The following WNK3 variants were observed in gnomAD, a reference collection of about 807,000 sequenced individuals.
The protein encoded by WNK3 is serine/threonine-protein kinase WNK3.
A neutral mutation model predicts 116.7 loss-of-function variants in WNK3; 18 were observed. The observed-to-expected ratio is 0.15, with a 90% CI of 0.11 to 0.23. The LOEUF (loss-of-function observed/expected upper bound fraction) is 0.23. WNK3 is among the 10% of genes least tolerant of loss of function. The probability of loss-of-function intolerance (pLI) is 1.00; values close to 1 mark genes in which losing one functional copy is unlikely to be tolerated. For missense variants in WNK3, 993 were observed against 1,323.8 expected (o/e 0.75, Z 3.88); for synonymous variants, 404 against 469.4 (o/e 0.86, Z 1.80).
intron 5 of WNK3, among the ~76,000 whole-genome samples, chrX:54,306,311 T>C (rs1443902436): frequency 4.5e-5 from 5 of 111,371 alleles, no homozygotes; most frequent in Admixed American, 9.6e-5. Flanking sequence ...CCCAAAGGAA[T>C]TGAAATTAGT....
intron 1 of WNK3, among the ~76,000 whole-genome samples, chrX:54,344,750 C>T (rs2069385704): frequency 9.0e-6 from 1 of 110,502 alleles, no homozygotes; most frequent in Non-Finnish European, 1.9e-5. Flanking sequence ...CAAGACCATC[C>T]TGGCTAACAC....
At chrX:54,307,946 A>G (rs782808630) in exon 5 of WNK3, 2 of 1,197,311 alleles carry the variant, frequency 1.7e-6, no homozygotes, top group African/African-American at 1.8e-5. Flanking sequence ...GGTATATTTG[A>G]GCTGCATTCT....
At chrX:54,229,394 T>G (rs1353331034) in intron 21 of WNK3, among the ~76,000 whole-genome samples, 3 of 109,581 alleles carry the variant, frequency 2.7e-5, no homozygotes, top group Non-Finnish European at 5.7e-5. Context: ...AGCCTACGTT[T>G]ATTGATTGGA....
intron 2 of WNK3, among the ~76,000 whole-genome samples, chrX:54,312,908 T>C (rs185858224): frequency 5.6e-4 from 62 of 111,703 alleles, no homozygotes; most frequent in African/African-American, 2.0e-3. Context: ...TTTGCTGTTA[T>C]TTTCCTAATT....
intron 2 of WNK3, among the ~76,000 whole-genome samples, chrX:54,319,072 C>T (rs2068998327): frequency 9.0e-6 from 1 of 110,934 alleles, no homozygotes; most frequent in Non-Finnish European, 1.9e-5. Context: ...GCCACTGCAC[C>T]CAGCCCAACC....
At chrX:54,270,509 T>G (rs2068369966) in intron 10 of WNK3, among the ~76,000 whole-genome samples, 1 of 107,366 alleles carries the variant, frequency 9.3e-6, no homozygotes, top group Admixed American at 1.0e-4. Flanking sequence ...GTTCAAGCGA[T>G]TCTCCTGCCT....
intron 21 of WNK3, among the ~76,000 whole-genome samples, chrX:54,231,317 C>T (rs2067896804): frequency 8.9e-6 from 1 of 111,863 alleles, no homozygotes; most frequent in African/African-American, 3.2e-5. Flanking sequence ...TATTAGTTGT[C>T]TATTGTTGTT....
chrX:54,289,553 G>A (rs2068616405), intron 10 of WNK3, among the ~76,000 whole-genome samples: 1 of 111,211 alleles, frequency 9.0e-6, no homozygotes. Context: ...TTTCTGTGGA[G>A]ATGCCAAAAT....
exon 24 of WNK3, chrX:54,195,029 CA>C (rs2067430732): frequency 1.8e-5 from 2 of 111,564 alleles, no homozygotes; most frequent in Admixed American, 1.9e-4. Context: ...TATATTACAG[CA>C]AATTACCTTA....
chrX:54,239,119 A>G lies in WNK3; in HGVS notation c.3652-20T>C, dbSNP rs781993832. 1 of 805,651 alleles carries G rather than the reference A, an allele frequency of 1.2e-6. No homozygotes were observed. Among genetic ancestry groups the G allele is most frequent in the Non-Finnish European group, 1.6e-6 (1 of 610,297 alleles). 66.4% of individuals were successfully genotyped at this position (805,651 alleles called of 1,213,427 possible). A position where few individuals can be genotyped will look rare whatever the true frequency, so the allele number is the denominator to read the frequency against. ...CATCTCCTAATGGAGACAAAACAAA[A>G]CAAAACAAAACAAAACAAAACAAAA... On this transcript the variant is annotated intron_variant, in intron 17 of 23. Transcript: ENST00000354646.
rs1052560904 is a variant in WNK3 at position 54,204,180 on chromosome X, C to T, written c.4871-1987G>A. Reference sequence around the variant, plus strand: ...TGTCACCCAAGCTGGAGTGCAGTGGCGCGATCTTGGCTCACTACAACCTCT... The same window carrying T: ...TGTCACCCAAGCTGGAGTGCAGTGGTGCGATCTTGGCTCACTACAACCTCT... On this transcript the variant is annotated intron_variant, in intron 22 of 23. Coordinates refer to ENST00000354646, the Ensembl canonical transcript of WNK3. Among the ~76,000 whole-genome samples, 4 of 110,853 alleles carry T rather than the reference C, an allele frequency of 3.6e-5. No individual in the cohort carries two copies. The South Asian group carries it at 1.2e-3, about 32-fold the overall frequency.
At chrX:54,216,289 TAA>T (rs1339691408) in intron 22 of WNK3, among the ~76,000 whole-genome samples, 23 of 89,696 alleles carry the variant, frequency 2.6e-4, no homozygotes, top group African/African-American at 1.5e-3. Context: ...CAATAAATAC[TAA>T]AATATATATA....
chrX:54,335,231 G>T (rs1024131061), intron 1 of WNK3, among the ~76,000 whole-genome samples: 97 of 110,555 alleles, frequency 8.8e-4, no homozygotes, highest in African/African-American at 3.1e-3. Flanking sequence ...CCTGGGCGAC[G>T]GAGACTCTGT....
intron 2 of WNK3, among the ~76,000 whole-genome samples, chrX:54,314,620 T>A (rs905423189): frequency 1.4e-4 from 15 of 110,222 alleles, no homozygotes; most frequent in African/African-American, 5.0e-4. Flanking sequence ...AATACAAAAA[T>A]TAGCCGGGCA....
At chrX:54,310,176 A>G (rs781866854) in intron 3 of WNK3, among the ~76,000 whole-genome samples, 1 of 108,976 alleles carries the variant, frequency 9.2e-6, no homozygotes, top group Non-Finnish European at 1.9e-5. Context: ...TAATACTATA[A>G]TATCATAATA....
At chrX:54,199,560 G>A (rs1443872847) in intron 23 of WNK3, among the ~76,000 whole-genome samples, 3 of 112,008 alleles carry the variant, frequency 2.7e-5, no homozygotes, top group Admixed American at 9.5e-5. Flanking sequence ...ACGGCTGGGC[G>A]CGGTGGCTCA....
intron 10 of WNK3, among the ~76,000 whole-genome samples, chrX:54,277,261 A>G (rs1247069960): frequency 1.8e-5 from 2 of 111,710 alleles, no homozygotes; most frequent in Non-Finnish European, 3.8e-5. Flanking sequence ...ATAAAAGGAA[A>G]ATAAGAAATA....
chrX:54,292,903 C>T, exon 10 of WNK3: 1 of 1,210,031 alleles, frequency 8.3e-7, no homozygotes, highest in South Asian at 1.8e-5. Flanking sequence ...TCTGTGGGAC[C>T]TTCTGAACAG....
chrX:54,345,024 C>T (rs1414711084), intron 1 of WNK3, among the ~76,000 whole-genome samples: 1 of 106,553 alleles, frequency 9.4e-6, no homozygotes, highest in Non-Finnish European at 1.9e-5. Flanking sequence ...CCGAGGCGGG[C>T]GGATCACGAG....
Sources: gnomAD v4.1 joint callset for allele counts (sites outside exome capture counted in the v4.1 genomes callset) on GRCh38, gnomAD v4.1.1 for gene constraint, MANE v1.5 for transcripts, NCBI Gene and HGNC (gene_info 2026-07-23, HGNC 2026-07-21) for gene names.